TNIK: variants seen among roughly 807,000 people sequenced by gnomAD.
TNIK encodes the protein TRAF2 and NCK interacting kinase.
Under a neutral mutation model 191.3 loss-of-function variants are expected in TNIK, and 49 were observed. The ratio of observed to expected loss-of-function variants is 0.26; its 90% CI spans 0.20 to 0.32. The LOEUF (loss-of-function observed/expected upper bound fraction) is 0.32. Ranked by LOEUF, TNIK falls within the 10% of genes least tolerant of loss-of-function variation. The probability of loss-of-function intolerance (pLI) is 1.00; values close to 1 mark genes in which losing one functional copy is unlikely to be tolerated. For synonymous variants in TNIK, 594 were observed against 600.9 expected (o/e 0.99, Z 0.17); for missense variants, 1,155 against 1,702.3 (o/e 0.68, Z 5.66).
intron 9 of TNIK, among the ~76,000 whole-genome samples, chr3:171,168,762 C>A (rs1309043574): frequency 6.6e-6 from 1 of 152,194 alleles, no homozygotes; most frequent in African/African-American, 2.4e-5. Context: ...TGCTTCCATG[C>A]ATATCCTTGC....
At chr3:171,068,507 C>A (rs1251081576) in intron 30 of TNIK, among the ~76,000 whole-genome samples, 1 of 152,070 alleles carries the variant, frequency 6.6e-6, no homozygotes, top group African/African-American at 2.4e-5. Flanking sequence ...ATAAAATGAA[C>A]GAATTTCCCT....
intron 1 of TNIK, among the ~76,000 whole-genome samples, chr3:171,400,450 T>C (rs115243984): frequency 0.013 from 1,957 of 152,048 alleles, 42 homozygotes; most frequent in African/African-American, 0.043. Context: ...ATTCCTGTAG[T>C]CCCAGATACT....
intron 18 of TNIK, among the ~76,000 whole-genome samples, chr3:171,117,181 T>C (rs957715622): frequency 6.6e-6 from 1 of 152,214 alleles, no homozygotes. Context: ...AGAGGAGCTG[T>C]TAACAGACTC....
chr3:171,372,338 T>G lies in TNIK; in HGVS notation c.58-2653A>C, dbSNP rs149310874. Among the ~76,000 whole-genome samples, 93 of 152,322 alleles carry G rather than the reference T, an allele frequency of 6.1e-4. 1 individual carries two copies. The highest frequency in any genetic ancestry group is 1.3e-4 in the Non-Finnish European group (9 of 68,032). ...AGTTCTACTGGCAACTGGCCTTGCATAGGCAACCAAACTGGAAAGAATCAT... is the reference window on the plus strand; with the variant it reads ...AGTTCTACTGGCAACTGGCCTTGCAGAGGCAACCAAACTGGAAAGAATCAT... On this transcript the variant is annotated intron_variant, in intron 1 of 32. Coordinates refer to ENST00000436636, the MANE Select transcript of TNIK (RefSeq NM_015028.4).
chr3:171,205,494 G>A (rs1308169711), intron 4 of TNIK, among the ~76,000 whole-genome samples: 1 of 152,202 alleles, frequency 6.6e-6, no homozygotes, highest in East Asian at 1.9e-4. Flanking sequence ...TTTAATTGAA[G>A]TGGGGTAAGT....
intron 4 of TNIK, among the ~76,000 whole-genome samples, chr3:171,195,213 C>G (rs1192325467): frequency 1.3e-5 from 2 of 152,150 alleles, no homozygotes; most frequent in Non-Finnish European, 2.9e-5. Context: ...TCCAAGCACT[C>G]TATAAATATA....
chr3:171,264,111 CATATAT>C (rs1167898609), intron 2 of TNIK, among the ~76,000 whole-genome samples: 29 of 61,028 alleles, frequency 4.8e-4, no homozygotes, highest in African/African-American at 1.4e-3. Context: ...CACACACACA[CATATAT>C]ATATATATAT....
chr3:171,418,720 C>T (rs1482283959), intron 1 of TNIK, among the ~76,000 whole-genome samples: 1 of 152,086 alleles, frequency 6.6e-6, no homozygotes, highest in East Asian at 1.9e-4. Flanking sequence ...AAATGTCCAT[C>T]AGTTGATGAA....
At chr3:171,449,557 T>C (rs1410534908) in intron 1 of TNIK, among the ~76,000 whole-genome samples, 1 of 152,078 alleles carries the variant, frequency 6.6e-6, no homozygotes, top group Non-Finnish European at 1.5e-5. Flanking sequence ...ATGTACAATA[T>C]TATCTCCACT....
At chr3:171,215,663 C>G (rs1177833262) in intron 3 of TNIK, among the ~76,000 whole-genome samples, 1 of 152,166 alleles carries the variant, frequency 6.6e-6, no homozygotes, top group Non-Finnish European at 1.5e-5. Context: ...TGACTTTGGT[C>G]TTCCAATTAA....
intron 2 of TNIK, among the ~76,000 whole-genome samples, chr3:171,362,766 G>T (rs1264775930): frequency 3.3e-5 from 5 of 152,150 alleles, no homozygotes; most frequent in Non-Finnish European, 7.4e-5. Flanking sequence ...ATCTTCACAT[G>T]ACTGGAACAG....
intron 28 of TNIK, among the ~76,000 whole-genome samples, chr3:171,073,026 T>C (rs1025086627): frequency 2.6e-4 from 39 of 151,988 alleles, no homozygotes; most frequent in African/African-American, 8.9e-4. Flanking sequence ...CAATGTTGTT[T>C]TTTACAGAAT....
At chr3:171,078,944 A>G (rs1304036563) in intron 28 of TNIK, among the ~76,000 whole-genome samples, 2 of 152,202 alleles carry the variant, frequency 1.3e-5, no homozygotes, top group African/African-American at 4.8e-5. Flanking sequence ...AGAGGAAGGT[A>G]GTGGCCTAAT....
At chr3:171,134,859 C>T (rs372446662) in intron 15 of TNIK, among the ~76,000 whole-genome samples, 3 of 151,794 alleles carry the variant, frequency 2.0e-5, no homozygotes, top group East Asian at 3.9e-4. Context: ...AAAGGACTAT[C>T]GATTTGGAAT....
chr3:171,230,771 CTGTG>C (rs962016977), intron 2 of TNIK, among the ~76,000 whole-genome samples: 1 of 152,156 alleles, frequency 6.6e-6, no homozygotes, highest in African/African-American at 2.4e-5. Context: ...GAACATGTCC[CTGTG>C]TGTATTATTC....
At chr3:171,230,193 A>G (rs779517532) in intron 2 of TNIK, among the ~76,000 whole-genome samples, 2 of 152,212 alleles carry the variant, frequency 1.3e-5, no homozygotes, top group Admixed American at 6.5e-5. Context: ...CCTGCAAACC[A>G]TGAGTCAATC....
chr3:171,157,324 T>C lies in TNIK; in HGVS notation c.1221+136A>G, dbSNP rs954935467. 46 of 1,081,534 alleles carry C rather than the reference T, an allele frequency of 4.3e-5. No individual in the cohort carries two copies. The highest frequency in any genetic ancestry group is 2.7e-4 in the Admixed American group (10 of 37,044). The allele number at this position is 1,081,534 out of a possible 1,614,324, so 67.0% of individuals were successfully genotyped here. On this transcript the variant is annotated intron_variant, in intron 12 of 32. Transcript: ENST00000436636. ...TGTTTGTAAGAGCATTCAGGACTTA[T>C]CTGCCCTTGCAGTCAACCCCTTTGT...
intron 1 of TNIK, among the ~76,000 whole-genome samples, chr3:171,380,023 A>G (rs1436583730): frequency 1.6e-5 from 1 of 61,334 alleles, no homozygotes; most frequent in Non-Finnish European, 3.4e-5. Flanking sequence ...ACACACACAC[A>G]CACGCGCACA....
At chr3:171,338,351 C>A (rs138164343) in intron 2 of TNIK, among the ~76,000 whole-genome samples, 1 of 152,072 alleles carries the variant, frequency 6.6e-6, no homozygotes, top group African/African-American at 2.4e-5. Context: ...AGGTTCATGA[C>A]GTTAAGAAAG....
Sources: allele counts gnomAD v4.1 joint callset (sites outside exome capture counted in the v4.1 genomes callset), GRCh38; gene constraint gnomAD v4.1.1; transcripts MANE v1.5; gene names NCBI Gene and HGNC (gene_info 2026-07-23, HGNC 2026-07-21).